Variants in KIF16B observed in about 807,000 individuals in gnomAD.
The protein encoded by KIF16B is kinesin-like protein KIF16B.
In KIF16B, 98 loss-of-function variants were observed where a neutral mutation model predicts 156.3. The observed-to-expected ratio is 0.63, with a 90% CI of 0.53 to 0.74. The LOEUF (loss-of-function observed/expected upper bound fraction) is 0.74, where lower values mean the gene tolerates loss of function less well. Ranked by LOEUF, KIF16B falls within the 30% of genes least tolerant of loss-of-function variation. KIF16B has a pLI of 0.00. For missense variants in KIF16B, 1,421 were observed against 1,606.5 expected, an observed-to-expected ratio of 0.88 and a Z score of 1.97; for synonymous variants, 564 against 583.7, an observed-to-expected ratio of 0.97 and a Z score of 0.49.
intron 25 of KIF16B, among the ~76,000 whole-genome samples, chr20:16,282,881 A>G (rs777329900): frequency 6.6e-6 from 1 of 152,082 alleles, no homozygotes; most frequent in Non-Finnish European, 1.5e-5. Flanking sequence ...GCCATACACA[A>G]TCGTTGGTCA....
intron 1 of KIF16B, among the ~76,000 whole-genome samples, chr20:16,559,033 C>T (rs1358147522): frequency 6.6e-6 from 1 of 151,784 alleles, no homozygotes; most frequent in Non-Finnish European, 1.5e-5. Context: ...CTCCTCTCTG[C>T]TCACGGTTTC....
chr20:16,542,064 T>A (rs1316856264), intron 1 of KIF16B, among the ~76,000 whole-genome samples: 1 of 152,142 alleles, frequency 6.6e-6, no homozygotes, highest in Non-Finnish European at 1.5e-5. Context: ...CACACCCAAG[T>A]GGCAGCATTC....
At chr20:16,426,632 A>C (rs1266549306) in intron 15 of KIF16B, among the ~76,000 whole-genome samples, 1 of 152,118 alleles carries the variant, frequency 6.6e-6, no homozygotes, top group Non-Finnish European at 1.5e-5. Flanking sequence ...CTTTCCAATA[A>C]TTTTGAAATT....
At chr20:16,496,609 T>C (rs968139890) in intron 11 of KIF16B, among the ~76,000 whole-genome samples, 3 of 152,206 alleles carry the variant, frequency 2.0e-5, no homozygotes, top group East Asian at 1.9e-4. Context: ...ACAGCATGTA[T>C]AATACATCCA....
At chr20:16,457,761 G>C (rs1368398988) in intron 12 of KIF16B, among the ~76,000 whole-genome samples, 1 of 152,046 alleles carries the variant, frequency 6.6e-6, no homozygotes, top group African/African-American at 2.4e-5. Context: ...TAGATAAGGA[G>C]CTCCCCCTTG....
At chr20:16,367,089 T>C (rs2064684114) in intron 22 of KIF16B, 2 of 1,482,082 alleles carry the variant, frequency 1.3e-6, no homozygotes, top group Non-Finnish European at 1.8e-6. Context: ...GTTTTCACAA[T>C]GCTTATTTTA....
chr20:16,471,964 G>A (rs1251443032), intron 12 of KIF16B, among the ~76,000 whole-genome samples: 3 of 152,144 alleles, frequency 2.0e-5, no homozygotes, highest in African/African-American at 4.8e-5. Context: ...AAACAAATAT[G>A]AGTCCAAAAT....
At chr20:16,286,748 G>C (rs1342025074) in intron 25 of KIF16B, among the ~76,000 whole-genome samples, 1 of 152,148 alleles carries the variant, frequency 6.6e-6, no homozygotes, top group Non-Finnish European at 1.5e-5. Context: ...TCATAAACAG[G>C]CAGCTGGCTG....
chr20:16,321,303 A>C (rs1396964915), intron 24 of KIF16B, among the ~76,000 whole-genome samples: 2 of 152,150 alleles, frequency 1.3e-5, no homozygotes, highest in African/African-American at 4.8e-5. Context: ...AACAGTAAAA[A>C]GTGATTATTC....
chr20:16,366,464 G>A (rs922042078), intron 22 of KIF16B, among the ~76,000 whole-genome samples: 2 of 152,182 alleles, frequency 1.3e-5, no homozygotes, highest in African/African-American at 4.8e-5. Flanking sequence ...AGGGATACGG[G>A]TTAGGTGGAA....
At chr20:16,340,077 T>A (rs574518687) in intron 23 of KIF16B, among the ~76,000 whole-genome samples, 4 of 152,290 alleles carry the variant, frequency 2.6e-5, no homozygotes, top group Middle Eastern at 3.4e-3. Context: ...CTACAATCTG[T>A]CTCCTCCCTG....
At chr20:16,494,618 G>A (rs112253986) in intron 11 of KIF16B, among the ~76,000 whole-genome samples, 4 of 152,126 alleles carry the variant, frequency 2.6e-5, no homozygotes, top group East Asian at 1.9e-4. Context: ...TGTACTTAAA[G>A]CAGCTCCCTT....
At chr20:16,456,695 C>T (rs907669146) in intron 12 of KIF16B, among the ~76,000 whole-genome samples, 2 of 152,188 alleles carry the variant, frequency 1.3e-5, no homozygotes, top group Admixed American at 6.5e-5. Flanking sequence ...CATGACATTA[C>T]AACGCTATGC....
Position 16,514,802 on chromosome 20 carries a change from C to T in KIF16B, c.348+746G>A, listed in dbSNP as rs546641693. ...TTGGGAGGCTGAGGCAGGAGAATCA[C>T]TTGAAACCAGGAGGCAGAGCTTGCA... On this transcript the variant is annotated intron_variant, in intron 4 of 25. Coordinates refer to ENST00000354981, the MANE Select transcript of KIF16B (RefSeq NM_024704.5). Among the ~76,000 whole-genome samples the T allele has an allele frequency of 3.6e-5, 5 of 139,832 alleles. No individual in the cohort carries two copies. In the South Asian group the frequency reaches 1.2e-3, roughly 32 times the overall value. 91.7% of individuals were successfully genotyped at this position (139,832 alleles called of 152,430 possible).
intron 23 of KIF16B, among the ~76,000 whole-genome samples, chr20:16,343,071 C>A (rs1405930482): frequency 6.6e-6 from 1 of 152,058 alleles, no homozygotes; most frequent in African/African-American, 2.4e-5. Context: ...TAAGTCAGAC[C>A]AAAACACTGA....
chr20:16,297,215 A>T (rs1029919501), intron 25 of KIF16B, among the ~76,000 whole-genome samples: 3 of 152,200 alleles, frequency 2.0e-5, no homozygotes, highest in African/African-American at 7.2e-5. Flanking sequence ...TGATCACATG[A>T]ATCAGGTCTC....
chr20:16,396,637 A>C (rs1227259234), intron 17 of KIF16B, among the ~76,000 whole-genome samples: 2 of 147,228 alleles, frequency 1.4e-5, no homozygotes, highest in Non-Finnish European at 3.0e-5. Context: ...GTAACATGTT[A>C]ACTGTAGTCG....
At chr20:16,484,081 C>T (rs984354102) in intron 12 of KIF16B, among the ~76,000 whole-genome samples, 14 of 152,242 alleles carry the variant, frequency 9.2e-5, no homozygotes, top group African/African-American at 3.1e-4. Context: ...ACATGCCTCG[C>T]CGCAAAAGAT....
intron 25 of KIF16B, among the ~76,000 whole-genome samples, chr20:16,279,352 C>T (rs2063111751): frequency 6.6e-6 from 1 of 152,150 alleles, no homozygotes; most frequent in Admixed American, 6.5e-5. Context: ...TGTTATGGAG[C>T]ATTTTCAAGA....
Sources: gnomAD v4.1 joint callset for allele counts (sites outside exome capture counted in the v4.1 genomes callset) on GRCh38, gnomAD v4.1.1 for gene constraint, MANE v1.5 for transcripts, NCBI Gene and HGNC (gene_info 2026-07-23, HGNC 2026-07-21) for gene names.